Variants in CYCS observed in about 807,000 individuals in gnomAD.
CYCS encodes cytochrome c, somatic.
For synonymous variants in CYCS, 41 were observed against 43.0 expected, an observed-to-expected ratio of 0.95 and a Z score of 0.18; for missense variants, 87 against 125.3, an observed-to-expected ratio of 0.69 and a Z score of 1.46.
Position 25,120,173 on chromosome 7 carries a change from C to T in CYCS, c.*3528G>A, listed in dbSNP as rs1783337165. On this transcript the variant is annotated 3_prime_UTR_variant, in exon 3 of 3. Transcript: ENST00000305786. ...CAATCTTGGCTCACTGCAACCTCCACCTCCCAAGTTCAAGTGATTCTTGTG... is the reference window on the plus strand; with the variant it reads ...CAATCTTGGCTCACTGCAACCTCCATCTCCCAAGTTCAAGTGATTCTTGTG... 1 of 151,982 alleles carries T rather than the reference C, an allele frequency of 6.6e-6. No homozygotes were observed. Among genetic ancestry groups the T allele is most frequent in the South Asian group, 2.1e-4 (1 of 4,816 alleles). The allele number at this position is 151,982 out of a possible 1,614,324, so 9.4% of individuals were successfully genotyped here.
rs1244131137 is a variant in CYCS, at chr7:25,119,951, T to C, written c.*3750A>G. ...AAAAGGATGACAAAAGGTAAATCCC[T>C]AGCTACCACCAGAATGTTATCTATC... On this transcript the variant is annotated 3_prime_UTR_variant, in exon 3 of 3. Transcript: ENST00000305786. The C allele has an allele frequency of 1.3e-5, 2 of 152,198 alleles. No individual in the cohort carries two copies. Among genetic ancestry groups the C allele is most frequent in the Non-Finnish European group, 2.9e-5 (2 of 68,040 alleles). The allele number at this position is 152,198 out of a possible 1,614,324, so 9.4% of individuals were successfully genotyped here.
At chr7:25,123,924 T>C (rs2128577572) in intron 2 of CYCS, 27 bp downstream of exon 2, 21 of 1,614,200 alleles carry the variant, frequency 1.3e-5, no homozygotes, top group Non-Finnish European at 1.7e-5. Context: ...GCATTTTGTG[T>C]TGTTTTATTT....
In CYCS at chr7:25,120,794, A is replaced by C. The variant is rs1783348159; in HGVS notation, c.*2907T>G. The C allele has an allele frequency of 6.6e-6, 1 of 152,224 alleles. No homozygotes were observed. Among genetic ancestry groups the C allele is most frequent in the South Asian group, 2.1e-4 (1 of 4,836 alleles). 9.4% of individuals were successfully genotyped at this position (152,224 alleles called of 1,614,324 possible). ...TTTTTCCCCTATTTCCTTATTTCTG[A>C]AGGTATATATCCCTGATAGAAATGT... On this transcript the variant is annotated 3_prime_UTR_variant, in exon 3 of 3. Transcript: ENST00000305786.
rs1783352615 is a variant in CYCS, at chr7:25,120,932, C to G, written c.*2769G>C. 4 of 151,858 alleles carry G rather than the reference C, an allele frequency of 2.6e-5. No homozygotes were observed. Among genetic ancestry groups the G allele is most frequent in the African/African-American group, 9.7e-5 (4 of 41,396 alleles). 9.4% of individuals were successfully genotyped at this position (151,858 alleles called of 1,614,324 possible). The stretch of plus-strand genomic sequence containing the variant: ...CTGACGTCGGGAGTTCAAGACCAGC[C>G]TGTCCAGCATGGAGAAACCCTGTCT... On this transcript the variant is annotated 3_prime_UTR_variant, in exon 3 of 3. Coordinates refer to ENST00000305786, the MANE Select transcript of CYCS (RefSeq NM_018947.6).
chr7:25,123,445 C>G lies in CYCS; in HGVS notation c.*256G>C. ...TTTGTGAAAAGTTGAACATTACTAA[C>G]GAAGTCTAATCATATCTTTAAAAGG... On this transcript the variant is annotated 3_prime_UTR_variant, in exon 3 of 3. Transcript: ENST00000305786. 1 of 444,624 alleles carries G rather than the reference C, an allele frequency of 2.2e-6. No homozygotes were observed. Among genetic ancestry groups the G allele is most frequent in the East Asian group, 4.6e-5 (1 of 21,656 alleles). 27.5% of individuals were successfully genotyped at this position (444,624 alleles called of 1,614,324 possible).
intron 1 of CYCS, chr7:25,124,929 A>G (rs1442518545): frequency 1.3e-5 from 2 of 152,402 alleles, no homozygotes; most frequent in African/African-American, 2.4e-5. Context: ...AGCAACCACT[A>G]CGGAAGAGGC....
intron 1 of CYCS, 35 bp from the exon 2 acceptor site, chr7:25,124,162 C>T (rs1377491542): frequency 6.4e-7 from 1 of 1,569,004 alleles, no homozygotes; most frequent in South Asian, 1.1e-5. Flanking sequence ...TAAATTTTTC[C>T]TCAGGTAACA....
Position 25,122,303 on chromosome 7 carries a change from A to G in CYCS, c.*1398T>C, listed in dbSNP as rs1169004004. 6.6e-6 allele frequency: 1 copy of G among 152,176 alleles called. No individual in the cohort carries two copies. Among genetic ancestry groups the G allele is most frequent in the African/African-American group, 2.4e-5 (1 of 41,430 alleles). 9.4% of individuals were successfully genotyped at this position (152,176 alleles called of 1,614,324 possible). A position where few individuals can be genotyped will look rare whatever the true frequency, so the allele number is the denominator to read the frequency against. ...TAAAAATAAGACTCATATGTTATAA[A>G]TTGCTTTCAGGCCTTAAAACACCTA... On this transcript the variant is annotated 3_prime_UTR_variant, in exon 3 of 3. Coordinates refer to ENST00000305786, the MANE Select transcript of CYCS (RefSeq NM_018947.6).
At chr7:25,124,193 C>G in intron 1 of CYCS, 66 bp from the exon 2 acceptor site, 1 of 1,148,868 alleles carries the variant, frequency 8.7e-7, no homozygotes, top group Non-Finnish European at 1.3e-6. Flanking sequence ...AAATGAATGA[C>G]CACTCTAGCC....
Position 25,119,519 on chromosome 7 carries a change from G to T in CYCS, c.*4182C>A, listed in dbSNP as rs941660148. 6.6e-6 allele frequency among the ~76,000 whole-genome samples: 1 copy of T among 151,376 alleles called. No individual in the cohort carries two copies. The highest frequency in any genetic ancestry group is 2.4e-5 in the African/African-American group (1 of 41,118). ...TCAAGCTCCTGACCTCAGGTGATCTGCCTGCCTTGGCCTCCCAAAGTGCTG... is the reference window on the plus strand; with the variant it reads ...TCAAGCTCCTGACCTCAGGTGATCTTCCTGCCTTGGCCTCCCAAAGTGCTG... On this transcript the variant is annotated 3_prime_UTR_variant, in exon 3 of 3. Transcript: ENST00000305786.
Position 25,123,446 on chromosome 7 carries a change from G to A in CYCS, c.*255C>T, listed in dbSNP as rs959524958. The stretch of plus-strand genomic sequence containing the variant: ...TTGTGAAAAGTTGAACATTACTAAC[G>A]AAGTCTAATCATATCTTTAAAAGGG... On this transcript the variant is annotated 3_prime_UTR_variant, in exon 3 of 3. Transcript: ENST00000305786. 3.6e-5 allele frequency: 16 copies of A among 444,724 alleles called. No individual in the cohort carries two copies. The highest frequency in any genetic ancestry group is 9.2e-5 in the East Asian group (2 of 21,834). 27.5% of individuals were successfully genotyped at this position (444,724 alleles called of 1,614,324 possible).
Position 25,123,392 on chromosome 7 carries a change from A to G in CYCS, c.*309T>C. 1 of 356,268 alleles carries G rather than the reference A, an allele frequency of 2.8e-6. No homozygotes were observed. The highest frequency in any genetic ancestry group is 4.3e-5 in the Admixed American group (1 of 23,028). 22.1% of individuals were successfully genotyped at this position (356,268 alleles called of 1,614,324 possible). ...AAATCTAAATATAAAACCAATCTCCAGTAAGTTTTAAGATGGCACTCACCA... is the reference window on the plus strand; with the variant it reads ...AAATCTAAATATAAAACCAATCTCCGGTAAGTTTTAAGATGGCACTCACCA... On this transcript the variant is annotated 3_prime_UTR_variant, in exon 3 of 3. Transcript: ENST00000305786.
rs753570739 is a variant in CYCS at position 25,123,766 on chromosome 7, C to T, written c.253G>A (p.Gly85Ser). 6.2e-7 allele frequency: 1 copy of T among 1,610,956 alleles called. No homozygotes were observed. The highest frequency in any genetic ancestry group is 1.1e-5 in the South Asian group (1 of 91,080). Reference sequence around the variant, plus strand: ...GCCCTTTCTTCCTTCTTCTTAATGCCGACAAAGATCATTTTTGTTCCAGGG... The same window carrying T: ...GCCCTTTCTTCCTTCTTCTTAATGCTGACAAAGATCATTTTTGTTCCAGGG... ...YIPGTKMIFVGIKKKEERADL... is the reference protein window; with the variant it reads ...YIPGTKMIFVSIKKKEERADL... Residue 85 changes from glycine (G) to serine (S), a missense_variant, in exon 3 of 3, where the codon GGC (glycine) becomes AGC (serine). Transcript: ENST00000305786.
rs1030476405 is a variant in CYCS at position 25,122,347 on chromosome 7, CTT to C, written c.*1352_*1353del. The C allele has an allele frequency of 4.6e-5, 7 of 152,174 alleles. No homozygotes were observed. The highest frequency in any genetic ancestry group is 1.7e-4 in the African/African-American group (7 of 41,428). 9.4% of individuals were successfully genotyped at this position (152,174 alleles called of 1,614,324 possible). A position where few individuals can be genotyped will look rare whatever the true frequency, so the allele number is the denominator to read the frequency against. On this transcript the variant is annotated 3_prime_UTR_variant, in exon 3 of 3. Coordinates refer to ENST00000305786, the MANE Select transcript of CYCS (RefSeq NM_018947.6). ...ACACCTATCTAATCGTCCCTATCACCTTTGAGACCATGGATTCACATCTTCTC... is the reference window on the plus strand; with the variant it reads ...ACACCTATCTAATCGTCCCTATCACCTGAGACCATGGATTCACATCTTCTC...
chr7:25,122,097 C>A lies in CYCS; in HGVS notation c.*1604G>T, dbSNP rs1783373033. On this transcript the variant is annotated 3_prime_UTR_variant, in exon 3 of 3. Coordinates refer to ENST00000305786, the MANE Select transcript of CYCS (RefSeq NM_018947.6). ...TAGTCCAGAATTGTCCCCTTGTAAG[C>A]TACTTGCTACACTGTCCCTGAATAC... The A allele has an allele frequency of 1.3e-5, 2 of 151,798 alleles. No individual in the cohort carries two copies. Among genetic ancestry groups the A allele is most frequent in the East Asian group, 3.9e-4 (2 of 5,182 alleles). 9.4% of individuals were successfully genotyped at this position (151,798 alleles called of 1,614,324 possible).
chr7:25,123,402 A>T lies in CYCS; in HGVS notation c.*299T>A, dbSNP rs1349186519. 3 of 370,900 alleles carry T rather than the reference A, an allele frequency of 8.1e-6. No homozygotes were observed. Among genetic ancestry groups the T allele is most frequent in the Non-Finnish European group, 1.5e-5 (3 of 196,126 alleles). 23.0% of individuals were successfully genotyped at this position (370,900 alleles called of 1,614,324 possible). On this transcript the variant is annotated 3_prime_UTR_variant, in exon 3 of 3. Transcript: ENST00000305786. ...ATAAAACCAATCTCCAGTAAGTTTTAAGATGGCACTCACCATCTTTGTGAA... is the reference window on the plus strand; with the variant it reads ...ATAAAACCAATCTCCAGTAAGTTTTTAGATGGCACTCACCATCTTTGTGAA...
rs1305187188 is a variant in CYCS, at chr7:25,122,505, A to C, written c.*1196T>G. 1 of 152,256 alleles carries C rather than the reference A, an allele frequency of 6.6e-6. No homozygotes were observed. Among genetic ancestry groups the C allele is most frequent in the Non-Finnish European group, 1.5e-5 (1 of 68,044 alleles). 9.4% of individuals were successfully genotyped at this position (152,256 alleles called of 1,614,324 possible). On this transcript the variant is annotated 3_prime_UTR_variant, in exon 3 of 3. Transcript: ENST00000305786. The stretch of plus-strand genomic sequence containing the variant: ...TCTCCAAGGACTACTCTAAATGTGT[A>C]TGGCACAGACTATGCATGAAATAAT...
Position 25,122,646 on chromosome 7 carries a change from A to G in CYCS, c.*1055T>C, listed in dbSNP as rs1783381618. ...ATCTGAGCAAAGAAACTAAGAGTCA[A>G]TTAGTGAAGTGTTATTCTAGTTGAG... On this transcript the variant is annotated 3_prime_UTR_variant, in exon 3 of 3. Coordinates refer to ENST00000305786, the MANE Select transcript of CYCS (RefSeq NM_018947.6). The G allele has an allele frequency of 6.6e-6, 1 of 152,252 alleles. No individual in the cohort carries two copies. Among genetic ancestry groups the G allele is most frequent in the Non-Finnish European group, 1.5e-5 (1 of 68,046 alleles). 9.4% of individuals were successfully genotyped at this position (152,252 alleles called of 1,614,324 possible). A position where few individuals can be genotyped will look rare whatever the true frequency, so the allele number is the denominator to read the frequency against.
Position 25,123,477 on chromosome 7 carries a change from C to T in CYCS, c.*224G>A, listed in dbSNP as rs1783393376. On this transcript the variant is annotated 3_prime_UTR_variant, in exon 3 of 3. Coordinates refer to ENST00000305786, the MANE Select transcript of CYCS (RefSeq NM_018947.6). ...TAATCATATCTTTAAAAGGGGTAAA[C>T]AGTGATACCATTTACTGAATTGGAG... 1 of 543,600 alleles carries T rather than the reference C, an allele frequency of 1.8e-6. No homozygotes were observed. Among genetic ancestry groups the T allele is most frequent in the East Asian group, 3.3e-5 (1 of 30,316 alleles). 33.7% of individuals were successfully genotyped at this position (543,600 alleles called of 1,614,324 possible). A position where few individuals can be genotyped will look rare whatever the true frequency, so the allele number is the denominator to read the frequency against.
Sources: allele counts gnomAD v4.1 joint callset (sites outside exome capture counted in the v4.1 genomes callset), GRCh38; gene constraint gnomAD v4.1.1; transcripts MANE v1.5; gene names NCBI Gene and HGNC (gene_info 2026-07-23, HGNC 2026-07-21).